The following RBFOX1 variants were observed in gnomAD, a reference collection of about 807,000 sequenced individuals.
RBFOX1 encodes the protein RNA binding fox-1 homolog 1.
RBFOX1 carries 8 observed loss-of-function variants against 57.7 expected under a neutral mutation model. The observed-to-expected ratio is 0.14, with a 90% confidence interval of 0.08 to 0.25. RBFOX1 has a LOEUF of 0.25. RBFOX1 is among the 10% of genes least tolerant of loss of function. RBFOX1 has a pLI of 1.00. For synonymous variants in RBFOX1, 326 were observed against 222.4 expected (o/e 1.47, Z -4.15); for missense variants, 611 against 548.5 (o/e 1.11, Z -1.14).
intron 3 of RBFOX1, among the ~76,000 whole-genome samples, chr16:6,875,858 C>T (rs2061741260): frequency 1.3e-5 from 2 of 151,976 alleles, no homozygotes. Context: ...ATTAGCCAGT[C>T]ATGGTGGTCC....
intron 1 of RBFOX1, among the ~76,000 whole-genome samples, chr16:6,063,291 T>C (rs1353799080): frequency 6.6e-6 from 1 of 152,052 alleles, no homozygotes; most frequent in Non-Finnish European, 1.5e-5. Context: ...TGAGTTTCAA[T>C]TGAGTCTCCC....
chr16:5,260,782 A>G (rs560930656), intron 1 of RBFOX1: 2 of 152,314 alleles, frequency 1.3e-5, no homozygotes, highest in Non-Finnish European at 2.9e-5. Context: ...TCTTCTTCTC[A>G]TGCCAGCTGT....
intron 2 of RBFOX1, among the ~76,000 whole-genome samples, chr16:6,420,263 T>C (rs2093736746): frequency 6.6e-6 from 1 of 152,184 alleles, no homozygotes. Context: ...TCATATATGT[T>C]AAAAATGCAC....
chr16:6,739,537 A>G (rs2071419150), intron 3 of RBFOX1, among the ~76,000 whole-genome samples: 1 of 140,044 alleles, frequency 7.1e-6, no homozygotes, highest in Non-Finnish European at 1.5e-5. Flanking sequence ...AATTCTACCC[A>G]TATTTTTAAA....
intron 1 of RBFOX1, chr16:5,366,546 T>G (rs1315652539): frequency 5.0e-6 from 2 of 403,006 alleles, no homozygotes; most frequent in Non-Finnish European, 9.5e-6. Context: ...TAGAAGATGT[T>G]AGAGCAGAAA....
At chr16:7,437,361 C>G (rs146025271) in intron 4 of RBFOX1, among the ~76,000 whole-genome samples, 82 of 151,602 alleles carry the variant, frequency 5.4e-4, no homozygotes, top group Middle Eastern at 3.4e-3. Flanking sequence ...GGGAAAATGA[C>G]TCCTACTTCC....
At chr16:6,061,088 C>T (rs1005912042) in intron 1 of RBFOX1, among the ~76,000 whole-genome samples, 4 of 152,170 alleles carry the variant, frequency 2.6e-5, no homozygotes, top group African/African-American at 7.2e-5. Context: ...GACAACAGAA[C>T]CTGATTGGCC....
chr16:7,161,033 G>T (rs535238739), intron 4 of RBFOX1, among the ~76,000 whole-genome samples: 13 of 152,130 alleles, frequency 8.5e-5, no homozygotes, highest in Non-Finnish European at 1.6e-4. Flanking sequence ...TTTGTTGTCA[G>T]TGTTTTGGTT....
chr16:5,570,110 C>G (rs1235746006), intron 2 of RBFOX1, among the ~76,000 whole-genome samples: 3 of 152,158 alleles, frequency 2.0e-5, no homozygotes, highest in African/African-American at 7.2e-5. Context: ...GGTGAGTCTT[C>G]CACACCTGAT....
At chr16:6,937,932 C>A in intron 3 of RBFOX1, among the ~76,000 whole-genome samples, 1 of 128,686 alleles carries the variant, frequency 7.8e-6, no homozygotes, top group African/African-American at 3.1e-5. Context: ...AGTTTTTCAG[C>A]TCAACTTTGG....
intron 3 of RBFOX1, among the ~76,000 whole-genome samples, chr16:5,817,571 A>G (rs570531340): frequency 6.6e-6 from 1 of 152,310 alleles, no homozygotes; most frequent in East Asian, 1.9e-4. Flanking sequence ...CATGACACCA[A>G]GACCCTTAGT....
chr16:5,782,700 T>C (rs752604785), intron 3 of RBFOX1, among the ~76,000 whole-genome samples: 4 of 152,166 alleles, frequency 2.6e-5, no homozygotes, highest in African/African-American at 4.8e-5. Context: ...TATGAAGAAT[T>C]GGCTTACATA....
At chr16:7,565,078 G>T (rs1211032950) in intron 5 of RBFOX1, among the ~76,000 whole-genome samples, 2 of 152,186 alleles carry the variant, frequency 1.3e-5, no homozygotes, top group East Asian at 1.9e-4. Context: ...GGGAGGATCT[G>T]CACGAGCCCC....
chr16:6,770,650 C>T (rs756963709), intron 3 of RBFOX1, among the ~76,000 whole-genome samples: 13 of 152,042 alleles, frequency 8.6e-5, no homozygotes, highest in African/African-American at 3.1e-4. Flanking sequence ...GGCTGCAGAG[C>T]CTTCCTGGGA....
At chr16:6,173,052 T>C (rs2096973489) in intron 1 of RBFOX1, among the ~76,000 whole-genome samples, 1 of 152,096 alleles carries the variant, frequency 6.6e-6, no homozygotes, top group Non-Finnish European at 1.5e-5. Context: ...CAAGAAAAGG[T>C]TCTCAGATTT....
intron 1 of RBFOX1, among the ~76,000 whole-genome samples, chr16:6,155,942 A>T (rs2096835425): frequency 6.6e-6 from 1 of 152,166 alleles, no homozygotes; most frequent in African/African-American, 2.4e-5. Flanking sequence ...GCACTCTGAT[A>T]AGTGCTTAAC....
intron 4 of RBFOX1, chr16:7,332,700 A>G: frequency 1.0e-6 from 1 of 977,970 alleles, no homozygotes. Flanking sequence ...GAACTAAATT[A>G]ATGAAGAGTA....
At chr16:6,677,513 C>A (rs1054350919) in intron 3 of RBFOX1, among the ~76,000 whole-genome samples, 3 of 152,060 alleles carry the variant, frequency 2.0e-5, no homozygotes, top group African/African-American at 7.2e-5. Context: ...ATTAAGAATT[C>A]CATATCAAAA....
At chr16:7,028,030 C>A (rs955936539) in intron 3 of RBFOX1, among the ~76,000 whole-genome samples, 2 of 152,008 alleles carry the variant, frequency 1.3e-5, no homozygotes, top group Admixed American at 1.3e-4. Flanking sequence ...GAAAGGAAGC[C>A]TTATTTAATC....
Sources: gnomAD v4.1 joint callset for allele counts (sites outside exome capture counted in the v4.1 genomes callset) on GRCh38, gnomAD v4.1.1 for gene constraint, MANE v1.5 for transcripts, NCBI Gene and HGNC (gene_info 2026-07-23, HGNC 2026-07-21) for gene names.